RECQL5: variants seen among roughly 807,000 people sequenced by gnomAD.
The protein encoded by RECQL5 is ATP-dependent DNA helicase Q5.
Under a neutral mutation model 103.4 loss-of-function variants are expected in RECQL5, and 88 were observed. The ratio of observed to expected loss-of-function variants is 0.85; its 90% CI spans 0.72 to 1.02. RECQL5 has a LOEUF of 1.02. Ranked by LOEUF, RECQL5 falls within the 50% of genes least tolerant of loss-of-function variation. The probability of loss-of-function intolerance (pLI) is 0.00; values close to 1 mark genes in which losing one functional copy is unlikely to be tolerated. For synonymous variants in RECQL5, 552 were observed against 507.9 expected (o/e 1.09, Z -1.17); for missense variants, 1,232 against 1,284.3 (o/e 0.96, Z 0.62).
Position 75,666,501 on chromosome 17 carries a change from C to T in RECQL5, c.57G>A (p.Thr19=), listed in dbSNP as rs2059784648. 6.2e-7 allele frequency: 1 copy of T among 1,614,124 alleles called. No homozygotes were observed. Among genetic ancestry groups the T allele is most frequent in the South Asian group, 1.1e-5 (1 of 91,074 alleles). Residue 19 remains threonine, a synonymous_variant, in exon 2 of 20, where the codon ACG becomes ACA. Coordinates refer to ENST00000317905, the MANE Select transcript of RECQL5 (RefSeq NM_004259.7). The part of the protein sequence containing the change: ...PFDPERRVRS[T]LKKVFGFDSF... ...AGTCAAACCCAAAGACCTTCTTCAG[C>T]GTACTCCGGACTCGCCGCTCAGGGT...
At chr17:75,638,463 AAGAG>A (rs2059369620) in intron 8 of RECQL5, 1 of 152,364 alleles carries the variant, frequency 6.6e-6, no homozygotes, top group Non-Finnish European at 1.5e-5. Context: ...CTTGGGCAAC[AAGAG>A]AGAAACTCCA....
chr17:75,632,277 C>A (rs1350688908), intron 8 of RECQL5, among the ~76,000 whole-genome samples: 1 of 152,200 alleles, frequency 6.6e-6, no homozygotes, highest in Non-Finnish European at 1.5e-5. Context: ...GTACTCAGGA[C>A]AGTAACGTGA....
chr17:75,651,387 T>A (rs1334673822), intron 7 of RECQL5, 122 bp from the exon 8 acceptor site: 1 of 1,106,446 alleles, frequency 9.0e-7, no homozygotes, highest in South Asian at 1.3e-5. Context: ...TTTGGGAGGC[T>A]GAGCCAGGAG....
intron 8 of RECQL5, among the ~76,000 whole-genome samples, chr17:75,648,239 C>A (rs2059511876): frequency 6.6e-6 from 1 of 152,148 alleles, no homozygotes; most frequent in Non-Finnish European, 1.5e-5. Flanking sequence ...CCTAGTTAGT[C>A]CTTCCTCATC....
rs763878848 is a variant in RECQL5 at position 75,661,562 on chromosome 17, G to A, written c.874+44C>T. 3 of 1,340,496 alleles carry A rather than the reference G, an allele frequency of 2.2e-6. No individual in the cohort carries two copies. The East Asian group carries it at 6.9e-5, about 31-fold the overall frequency. The allele number at this position is 1,340,496 out of a possible 1,614,324, so 83.0% of individuals were successfully genotyped here. ...TAAAGAACAAGAGACCAGCTAAGAAGCCTCTGAGGGTGAAGAGACTCAAGT... is the reference window on the plus strand; with the variant it reads ...TAAAGAACAAGAGACCAGCTAAGAAACCTCTGAGGGTGAAGAGACTCAAGT... On this transcript the variant is annotated intron_variant, in intron 5 of 19. Coordinates refer to ENST00000317905, the MANE Select transcript of RECQL5 (RefSeq NM_004259.7).
chr17:75,667,008 G>A (rs2059796692), intron 1 of RECQL5, 36 bp downstream of exon 1: 5 of 256,150 alleles, frequency 2.0e-5, no homozygotes, highest in Non-Finnish European at 3.8e-5. Flanking sequence ...TTCTCTCTTG[G>A]CTGGCCGACA....
At chr17:75,665,689 CA>C (rs1184942786) in intron 2 of RECQL5, among the ~76,000 whole-genome samples, 2,569 of 63,440 alleles carry the variant, frequency 0.04, 16 homozygotes, top group Middle Eastern at 0.065. Context: ...GACTCTGTTT[CA>C]AAAAAAAAAA....
chr17:75,651,360 G>A (rs1258779620), intron 7 of RECQL5, 95 bp from the exon 8 acceptor site: 16 of 1,416,316 alleles, frequency 1.1e-5, no homozygotes, highest in South Asian at 2.3e-5. Flanking sequence ...GGTGGCTCAC[G>A]GCTGTAATCC....
intron 3 of RECQL5, 119 bp downstream of exon 3, chr17:75,664,932 G>T (rs886798836): frequency 9.1e-5 from 116 of 1,273,554 alleles, no homozygotes; most frequent in Non-Finnish European, 1.2e-4. Flanking sequence ...AAAAAAAAAG[G>T]AAAAAGAAAA....
chr17:75,632,192 T>C (rs2059229770), intron 8 of RECQL5, among the ~76,000 whole-genome samples: 1 of 152,232 alleles, frequency 6.6e-6, no homozygotes. Flanking sequence ...ATTCTAACAC[T>C]GTATTTCTAC....
In RECQL5 at chr17:75,627,622, C is replaced by G. The variant is rs1598971981; in HGVS notation, c.2875+1G>C. The G allele has an allele frequency of 1.2e-6, 2 of 1,613,374 alleles. No homozygotes were observed. The highest frequency in any genetic ancestry group is 2.2e-5 in the East Asian group (1 of 44,864). ...CTGGCCCTGGCAATGCCAGCGCTCA[C>G]CGCTCCTTCCAGGAGAGGTCTTCTG... On this transcript the variant is annotated splice_donor_variant, in intron 19 of 19. Transcript: ENST00000317905. LOFTEE classifies it high-confidence loss of function.
Position 75,630,846 on chromosome 17 carries a change from G to C in RECQL5, c.1586-9C>G, listed in dbSNP as rs541964796. 1.9e-5 allele frequency: 27 copies of C among 1,453,536 alleles called. No homozygotes were observed. Among genetic ancestry groups the C allele is most frequent in the East Asian group, 7.3e-5 (3 of 41,086 alleles). The allele number at this position is 1,453,536 out of a possible 1,614,324, so 90.0% of individuals were successfully genotyped here. ...CAGGGGACAGTTCTCATCTGTGGGG[G>C]GGGGGGGTGGTCCTTGGTCCTTTCG... is the stretch of plus-strand genomic sequence containing the variant. On this transcript the variant is annotated splice_polypyrimidine_tract_variant and intron_variant, in intron 11 of 19. Transcript: ENST00000317905.
intron 6 of RECQL5, among the ~76,000 whole-genome samples, chr17:75,660,031 T>C (rs539305340): frequency 6.6e-6 from 1 of 152,276 alleles, no homozygotes; most frequent in African/African-American, 2.4e-5. Context: ...ACACATTACT[T>C]AATGATGGGA....
chr17:75,645,037 GCTATCTT>G (rs1426434256), intron 8 of RECQL5, among the ~76,000 whole-genome samples: 1 of 152,186 alleles, frequency 6.6e-6, no homozygotes, highest in African/African-American at 2.4e-5. Flanking sequence ...CTCCTGGATT[GCTATCTT>G]CTAGTTTTGG....
intron 7 of RECQL5, 144 bp from the exon 8 acceptor site, chr17:75,651,409 G>C: frequency 1.1e-6 from 1 of 918,870 alleles, no homozygotes. Flanking sequence ...ATCATTTGAG[G>C]TCAGGAGTTC....
chr17:75,663,874 G>A (rs1311541765), intron 3 of RECQL5, among the ~76,000 whole-genome samples: 2 of 151,978 alleles, frequency 1.3e-5, no homozygotes, highest in Non-Finnish European at 2.9e-5. Context: ...GACCAATATG[G>A]TGAAACCCTG....
Position 75,658,591 on chromosome 17 carries a change from T to C in RECQL5, c.987-131A>G, listed in dbSNP as rs1168904736. On this transcript the variant is annotated intron_variant, in intron 6 of 19. Transcript: ENST00000317905. Reference sequence around the variant, plus strand: ...GAGAGGGATAGTCCCAGAGTTAGAATAGTTAAGACACCTGTAGCCCATCAG... The same window carrying C: ...GAGAGGGATAGTCCCAGAGTTAGAACAGTTAAGACACCTGTAGCCCATCAG... 5 of 764,774 alleles carry C rather than the reference T, an allele frequency of 6.5e-6. 1 individual carries two copies. In the East Asian group the frequency reaches 1.4e-4, roughly 21 times the overall value. 47.4% of individuals were successfully genotyped at this position (764,774 alleles called of 1,614,324 possible). A position where few individuals can be genotyped will look rare whatever the true frequency, so the allele number is the denominator to read the frequency against.
rs931908441 is a variant in RECQL5, at chr17:75,629,586, G to A, written c.1948-111C>T. On this transcript the variant is annotated intron_variant, in intron 15 of 19. Transcript: ENST00000317905. ...GACGGGGCTCTCAGGAGTGTGGGAG[G>A]GAAGAGGCAGGCAGGACCCTGGTGG... The A allele has an allele frequency of 2.0e-6, 3 of 1,503,626 alleles. No individual in the cohort carries two copies. In the African/African-American group the frequency reaches 4.2e-5, roughly 21 times the overall value. 93.1% of individuals were successfully genotyped at this position (1,503,626 alleles called of 1,614,324 possible). A position where few individuals can be genotyped will look rare whatever the true frequency, so the allele number is the denominator to read the frequency against.
rs1003589240 is a variant in RECQL5 at position 75,661,209 on chromosome 17, C to A, written c.875-143G>T. ...CCAGCTGTCTGACCTTAACATCAGG[C>A]GCTTAACTTTACTGAGCCTCAGCTG... On this transcript the variant is annotated intron_variant, in intron 5 of 19. Transcript: ENST00000317905. The A allele has an allele frequency of 5.9e-6, 4 of 678,998 alleles. No homozygotes were observed. The Admixed American group carries it at 7.2e-5, about 12-fold the overall frequency. 42.1% of individuals were successfully genotyped at this position (678,998 alleles called of 1,614,324 possible).
Sources: gnomAD v4.1 joint callset for allele counts (sites outside exome capture counted in the v4.1 genomes callset) on GRCh38, gnomAD v4.1.1 for gene constraint, MANE v1.5 for transcripts, NCBI Gene and HGNC (gene_info 2026-07-23, HGNC 2026-07-21) for gene names.